The following COBL variants were observed in gnomAD, a reference collection of about 807,000 sequenced individuals.
COBL encodes the protein cordon-bleu WH2 repeat protein, also known as protein cordon-bleu.
Under a neutral mutation model 98.8 loss-of-function variants are expected in COBL, and 51 were observed. That is an observed-to-expected ratio of 0.52 (90% CI 0.41 to 0.65). The LOEUF is 0.65. Ranked by LOEUF, COBL falls within the 30% of genes least tolerant of loss-of-function variation. COBL has a pLI of 0.00. For synonymous variants in COBL, 634 were observed against 651.7 expected (o/e 0.97, Z 0.41); for missense variants, 1,617 against 1,617.5 (o/e 1.00, Z 0.01).
chr7:51,123,016 T>C (rs1405663484), intron 6 of COBL, among the ~76,000 whole-genome samples: 2 of 152,160 alleles, frequency 1.3e-5, no homozygotes, highest in Non-Finnish European at 2.9e-5. Context: ...ACATAATTAT[T>C]TTTGTAAAAT....
intron 6 of COBL, among the ~76,000 whole-genome samples, chr7:51,116,146 C>A (rs1340575736): frequency 6.6e-6 from 1 of 152,040 alleles, no homozygotes; most frequent in Non-Finnish European, 1.5e-5. Context: ...TTCTGACAAT[C>A]TCTACCTTTT....
intron 5 of COBL, among the ~76,000 whole-genome samples, chr7:51,174,224 C>T (rs970240192): frequency 3.3e-5 from 5 of 152,138 alleles, no homozygotes. Context: ...GGCATTTACC[C>T]GCACTATGCT....
intron 6 of COBL, among the ~76,000 whole-genome samples, chr7:51,132,190 C>T (rs1798810252): frequency 1.3e-5 from 2 of 152,208 alleles, no homozygotes; most frequent in African/African-American, 2.4e-5. Context: ...CCCTTCATTC[C>T]CTCTGCCCAG....
At chr7:51,031,110 T>A (rs1484739038) in intron 8 of COBL, 1 of 584,724 alleles carries the variant, frequency 1.7e-6, no homozygotes, top group African/African-American at 1.9e-5. Context: ...TGCACAGGTA[T>A]GTGTGGGATG....
chr7:51,246,316 C>A (rs1796265953), intron 1 of COBL, among the ~76,000 whole-genome samples: 1 of 152,130 alleles, frequency 6.6e-6, no homozygotes, highest in East Asian at 1.9e-4. Context: ...TCAGCAGGGG[C>A]CGCCTCCTCT....
chr7:51,062,275 C>CTCTT (rs1791456282), intron 7 of COBL, among the ~76,000 whole-genome samples: 1 of 151,846 alleles, frequency 6.6e-6, no homozygotes, highest in African/African-American at 2.4e-5. Flanking sequence ...ATGTCTCTCT[C>CTCTT]TCTCTCTCTC....
At chr7:51,111,999 A>C (rs1374604512) in intron 6 of COBL, among the ~76,000 whole-genome samples, 3 of 152,242 alleles carry the variant, frequency 2.0e-5, no homozygotes, top group African/African-American at 7.2e-5. Flanking sequence ...CATCAATATC[A>C]TCAAAGGAAT....
intron 10 of COBL, 42 bp downstream of exon 10, chr7:51,027,670 G>A (rs369018973): frequency 1.4e-5 from 21 of 1,496,008 alleles, no homozygotes; most frequent in Non-Finnish European, 1.7e-5. Context: ...GCACTGAAGT[G>A]GGCAGGTGTG....
At chr7:51,080,165 A>G (rs1283269527) in intron 7 of COBL, among the ~76,000 whole-genome samples, 1 of 152,202 alleles carries the variant, frequency 6.6e-6, no homozygotes, top group African/African-American at 2.4e-5. Flanking sequence ...GAATGGCTGG[A>G]ACAGAATGGC....
At chr7:51,112,911 C>T (rs1796962700) in intron 6 of COBL, among the ~76,000 whole-genome samples, 1 of 152,192 alleles carries the variant, frequency 6.6e-6, no homozygotes, top group South Asian at 2.1e-4. Context: ...ATCTTCTTCC[C>T]ATATGTGGCA....
At chr7:51,290,401 T>A (rs570175702) in intron 1 of COBL, among the ~76,000 whole-genome samples, 1 of 152,344 alleles carries the variant, frequency 6.6e-6, no homozygotes, top group Admixed American at 6.5e-5. Context: ...CCAGCAGAGA[T>A]AATGTGAAAC....
At chr7:51,313,543 G>A (rs1053075259) in intron 1 of COBL, among the ~76,000 whole-genome samples, 3 of 152,152 alleles carry the variant, frequency 2.0e-5, no homozygotes, top group Admixed American at 6.5e-5. Context: ...TGAGCAAACT[G>A]CTTGAATACA....
chr7:51,098,696 T>C (rs1795531571), intron 6 of COBL, among the ~76,000 whole-genome samples: 1 of 152,002 alleles, frequency 6.6e-6, no homozygotes, highest in Non-Finnish European at 1.5e-5. Flanking sequence ...ACATTCTATT[T>C]GGCAATGGTT....
chr7:51,199,059 C>T (rs1196572791), intron 2 of COBL, among the ~76,000 whole-genome samples: 2 of 152,208 alleles, frequency 1.3e-5, no homozygotes, highest in Non-Finnish European at 2.9e-5. Context: ...TCTTCCATTT[C>T]CTGAGAGGGG....
intron 1 of COBL, among the ~76,000 whole-genome samples, chr7:51,315,470 T>C (rs1803460403): frequency 6.6e-6 from 1 of 152,190 alleles, no homozygotes; most frequent in Admixed American, 6.5e-5. Flanking sequence ...GACACAACTG[T>C]AACAGAAAAA....
intron 1 of COBL, among the ~76,000 whole-genome samples, chr7:51,246,643 A>C (rs1796291202): frequency 6.6e-6 from 1 of 152,174 alleles, no homozygotes; most frequent in South Asian, 2.1e-4. Flanking sequence ...CATTCAAATA[A>C]AATGCAGAAA....
Position 51,315,692 on chromosome 7 carries a change from G to A in COBL, c.41+901C>T, listed in dbSNP as rs146835673. 2.0e-3 allele frequency among the ~76,000 whole-genome samples: 306 copies of A among 152,354 alleles called. 2 individuals carry two copies. The highest frequency in any genetic ancestry group is 0.017 in the East Asian group (90 of 5,182). Reference sequence around the variant, plus strand: ...CCACCGGGACTGCGCGCTACCCCGCGGCCCAGCCTGCACCGCTGGCCGGGA... The same window carrying A: ...CCACCGGGACTGCGCGCTACCCCGCAGCCCAGCCTGCACCGCTGGCCGGGA... On this transcript the variant is annotated intron_variant, in intron 1 of 12. Coordinates refer to ENST00000265136, the MANE Select transcript of COBL (RefSeq NM_015198.5).
At position 51,028,597 on chromosome 7, in the gene COBL, T is replaced by G; in HGVS notation, c.2499A>C (p.Arg833Ser). The G allele has an allele frequency of 6.2e-7, 1 of 1,614,138 alleles. No homozygotes were observed. Among genetic ancestry groups the G allele is most frequent in the Non-Finnish European group, 8.5e-7 (1 of 1,180,008 alleles). The change falls in exon 10 of 13, where the codon AGA (arginine) becomes AGC (serine). Residue 833 changes from arginine to serine, a missense_variant. Arg to Ser is a moderately radical substitution (Grantham distance 110, BLOSUM62 -1). Around this residue, in one of 3 missense-constraint regions of COBL, gnomAD observed 1,304 missense variants for 1,282.0 expected, o/e 1.02. Coordinates refer to ENST00000265136, the MANE Select transcript of COBL (RefSeq NM_015198.5). Reference protein sequence around the residue: ...HEGRNPLGEGRNQPPTMGMGH... With the variant: ...HEGRNPLGEGSNQPPTMGMGH... ...CCATGCCCATGGTGGGGGGCTGGTT[T>G]CTCCCCTCCCCTAGGGGGTTCCGGC...
At chr7:51,198,488 G>A (rs1038674171) in intron 2 of COBL, among the ~76,000 whole-genome samples, 4 of 152,052 alleles carry the variant, frequency 2.6e-5, no homozygotes, top group Non-Finnish European at 4.4e-5. Context: ...TGTATCTTAG[G>A]AGGGATCTTC....
Sources: allele counts gnomAD v4.1 joint callset (sites outside exome capture counted in the v4.1 genomes callset), GRCh38; gene constraint gnomAD v4.1.1; regional missense constraint gnomAD v4.1.1; transcripts MANE v1.5; gene names NCBI Gene and HGNC (gene_info 2026-07-23, HGNC 2026-07-21).